Variants in KDM4C observed in about 807,000 individuals in gnomAD.
KDM4C encodes the protein lysine demethylase 4C.
Under a neutral mutation model 129.3 loss-of-function variants are expected in KDM4C, and 81 were observed. That is an observed-to-expected ratio of 0.63 (90% CI 0.52 to 0.75). KDM4C has a LOEUF of 0.75. Ranked by LOEUF, KDM4C falls within the 30% of genes least tolerant of loss-of-function variation. The pLI is 0.00. For missense variants in KDM4C, 1,457 were observed against 1,304.0 expected, an observed-to-expected ratio of 1.12 and a Z score of -1.81; for synonymous variants, 573 against 456.1, an observed-to-expected ratio of 1.26 and a Z score of -3.26.
chr9:7,117,401 C>A (rs754558158), intron 18 of KDM4C, among the ~76,000 whole-genome samples: 1 of 152,028 alleles, frequency 6.6e-6, no homozygotes, highest in African/African-American at 2.4e-5. Flanking sequence ...GCAGGAGTTA[C>A]CACTGAGTGA....
intron 2 of KDM4C, among the ~76,000 whole-genome samples, chr9:6,798,686 A>G (rs930337615): frequency 6.6e-6 from 1 of 151,956 alleles, no homozygotes; most frequent in Non-Finnish European, 1.5e-5. Context: ...TCTTTTCCCC[A>G]CCTTTCCCCC....
intron 17 of KDM4C, among the ~76,000 whole-genome samples, chr9:7,049,585 C>G (rs890151698): frequency 5.9e-5 from 9 of 152,056 alleles, no homozygotes; most frequent in African/African-American, 2.2e-4. Flanking sequence ...CAAAATGTAT[C>G]TAACCTAATT....
chr9:6,895,173 C>G (rs1384635143), intron 8 of KDM4C, among the ~76,000 whole-genome samples: 1 of 152,248 alleles, frequency 6.6e-6, no homozygotes. Context: ...CAAATTACCA[C>G]AAACTTTGTG....
At chr9:6,970,977 T>A (rs1831882608) in intron 8 of KDM4C, among the ~76,000 whole-genome samples, 1 of 152,212 alleles carries the variant, frequency 6.6e-6, no homozygotes, top group Non-Finnish European at 1.5e-5. Context: ...GAAAGGGTTT[T>A]GCATTTTGAT....
At position 6,773,392 on chromosome 9, in the gene KDM4C, A is replaced by G. The variant is rs74387718; in HGVS notation, c.-18+15189A>G. 4.6e-3 allele frequency among the ~76,000 whole-genome samples: 708 copies of G among 152,316 alleles called. 3 individuals are homozygous for G. The highest frequency in any genetic ancestry group is 8.1e-3 in the Non-Finnish European group (553 of 68,028). On this transcript the variant is annotated intron_variant, in intron 1 of 21. Coordinates refer to ENST00000381309, the MANE Select transcript of KDM4C (RefSeq NM_015061.6). The stretch of plus-strand genomic sequence containing the variant: ...TAATGCCAGTGTCATTGTTGATGTT[A>G]TAGTTTATGATTATTTAAAAGTTAA...
chr9:6,966,578 A>G (rs150066270), intron 8 of KDM4C, among the ~76,000 whole-genome samples: 2 of 152,348 alleles, frequency 1.3e-5, no homozygotes, highest in East Asian at 3.9e-4. Flanking sequence ...GTTTGTAGAT[A>G]TGATTGTTTA....
intron 1 of KDM4C, among the ~76,000 whole-genome samples, chr9:6,775,501 G>A (rs770998337): frequency 2.0e-5 from 3 of 151,768 alleles, no homozygotes; most frequent in East Asian, 1.9e-4. Flanking sequence ...TTGAACTTAC[G>A]CTAGAATTTC....
chr9:7,018,904 A>T (rs1204176858), intron 15 of KDM4C, among the ~76,000 whole-genome samples: 1 of 152,228 alleles, frequency 6.6e-6, no homozygotes, highest in African/African-American at 2.4e-5. Context: ...TATTGAAACT[A>T]TGTAAATCTC....
chr9:6,948,389 C>T (rs968726610), intron 8 of KDM4C, among the ~76,000 whole-genome samples: 9 of 150,306 alleles, frequency 6.0e-5, no homozygotes, highest in South Asian at 2.1e-4. Flanking sequence ...TCTAAATATA[C>T]GTACTTATAA....
intron 17 of KDM4C, among the ~76,000 whole-genome samples, chr9:7,057,747 C>A (rs535941730): frequency 2.6e-5 from 4 of 152,296 alleles, no homozygotes; most frequent in African/African-American, 9.6e-5. Context: ...CTGGCGTGTT[C>A]TGTCATCTCC....
At chr9:7,081,631 A>G (rs1030432202) in intron 17 of KDM4C, among the ~76,000 whole-genome samples, 1 of 152,206 alleles carries the variant, frequency 6.6e-6, no homozygotes, top group Non-Finnish European at 1.5e-5. Flanking sequence ...CACACCTGGC[A>G]TTTCTTTGGA....
intron 4 of KDM4C, chr9:6,834,606 A>T: frequency 1.3e-6 from 1 of 752,426 alleles, no homozygotes. Context: ...GGTCGGAAGG[A>T]CTCCCATGTG....
At chr9:6,757,619 T>A, upstream of KDM4C, 1 of 985,456 alleles carries the variant, frequency 1.0e-6, no homozygotes, top group Non-Finnish European at 1.2e-6. Flanking sequence ...AACGCCACGC[T>A]GACGTCCGCG....
chr9:6,738,967 T>C (rs1817607708), intron 1 of KDM4C, among the ~76,000 whole-genome samples: 2 of 151,934 alleles, frequency 1.3e-5, no homozygotes, highest in Non-Finnish European at 2.9e-5. Flanking sequence ...GGGCTCAATT[T>C]ATTCTCCCAC....
chr9:6,878,710 G>T (rs1843959574), intron 5 of KDM4C, among the ~76,000 whole-genome samples: 1 of 151,990 alleles, frequency 6.6e-6, no homozygotes, highest in East Asian at 1.9e-4. Context: ...TTTGTTGGCA[G>T]GCATATTCAT....
intron 15 of KDM4C, among the ~76,000 whole-genome samples, chr9:7,018,528 T>C (rs1824095746): frequency 6.6e-6 from 1 of 152,264 alleles, no homozygotes; most frequent in Non-Finnish European, 1.5e-5. Flanking sequence ...AGAATCAGTT[T>C]GGTCAGTGAT....
intron 4 of KDM4C, among the ~76,000 whole-genome samples, chr9:6,828,300 A>T (rs750244642): frequency 6.6e-6 from 1 of 152,004 alleles, no homozygotes; most frequent in Non-Finnish European, 1.5e-5. Flanking sequence ...GGAGCCCACC[A>T]CAACGCCCGG....
intron 18 of KDM4C, among the ~76,000 whole-genome samples, chr9:7,127,286 A>G (rs1227066013): frequency 6.6e-6 from 1 of 152,224 alleles, no homozygotes; most frequent in Non-Finnish European, 1.5e-5. Context: ...GCTTTAGTAT[A>G]ATAGAAAAAT....
chr9:6,790,156 G>C (rs902709316), intron 1 of KDM4C, among the ~76,000 whole-genome samples: 1 of 150,098 alleles, frequency 6.7e-6, no homozygotes, highest in African/African-American at 2.4e-5. Flanking sequence ...CGCTCGCCTT[G>C]GCCTCCTGAA....
Sources: gnomAD v4.1 joint callset for allele counts (sites outside exome capture counted in the v4.1 genomes callset) on GRCh38, gnomAD v4.1.1 for gene constraint, MANE v1.5 for transcripts, NCBI Gene and HGNC (gene_info 2026-07-23, HGNC 2026-07-21) for gene names.